Variants in CYP20A1 observed in about 807,000 individuals in gnomAD.
CYP20A1 encodes cytochrome P450 20A1.
A neutral mutation model predicts 61.4 loss-of-function variants in CYP20A1; 61 were observed. The observed-to-expected ratio is 0.99, with a 90% CI of 0.81 to 1.23. CYP20A1 has a LOEUF of 1.23. Among genes scored for constraint, CYP20A1 ranks in the 50% most tolerant of loss-of-function variants. The pLI, the probability that CYP20A1 is intolerant of heterozygous loss-of-function variation, is 0.00. For synonymous variants in CYP20A1, 193 were observed against 188.2 expected (o/e 1.03, Z -0.21); for missense variants, 530 against 542.4 (o/e 0.98, Z 0.23).
At chr2:203,248,959 C>T (rs2066561609) in intron 3 of CYP20A1, among the ~76,000 whole-genome samples, 1 of 152,178 alleles carries the variant, frequency 6.6e-6, no homozygotes, top group Non-Finnish European at 1.5e-5. Flanking sequence ...GATTCTCCCA[C>T]CTCTGCCCTC....
rs2069152504 is a variant in CYP20A1 at position 203,304,661 on chromosome 2, T to A, written c.*7753T>A. ...AAATTTTAAACATTTTCCAGCTGGG[T>A]GTGGTGGCTCATGCCTGTAATCCCA... On this transcript the variant is annotated 3_prime_UTR_variant, in exon 13 of 13. Transcript: ENST00000356079. Among the ~76,000 whole-genome samples the A allele has an allele frequency of 6.6e-6, 1 of 152,062 alleles. No homozygotes were observed.
intron 8 of CYP20A1, among the ~76,000 whole-genome samples, chr2:203,281,757 C>T (rs2068051997): frequency 6.6e-6 from 1 of 151,790 alleles, no homozygotes; most frequent in Non-Finnish European, 1.5e-5. Context: ...GCTGAGATCG[C>T]ACCACTGCAC....
In CYP20A1 at chr2:203,304,948, A is replaced by G. The variant is rs986763314; in HGVS notation, c.*8040A>G. On this transcript the variant is annotated 3_prime_UTR_variant, in exon 13 of 13. Transcript: ENST00000356079. The stretch of plus-strand genomic sequence containing the variant: ...ACAACCCTCAAATAAATAAATAAAT[A>G]CATGTTAAACATATACCTTTATTAC... 1.3e-5 allele frequency among the ~76,000 whole-genome samples: 2 copies of G among 152,106 alleles called. No homozygotes were observed. Among genetic ancestry groups the G allele is most frequent in the African/African-American group, 2.4e-5 (1 of 41,418 alleles).
chr2:203,241,937 G>A (rs2066268330), intron 1 of CYP20A1, among the ~76,000 whole-genome samples: 1 of 152,186 alleles, frequency 6.6e-6, no homozygotes, highest in Non-Finnish European at 1.5e-5. Context: ...TGCCTCCCAG[G>A]TTCAAGCGAT....
chr2:203,298,713 AAAG>A lies in CYP20A1; in HGVS notation c.*1806_*1808del, dbSNP rs1333517323. Among the ~76,000 whole-genome samples the A allele has an allele frequency of 6.6e-5, 10 of 150,394 alleles. No individual in the cohort carries two copies. The highest frequency in any genetic ancestry group is 2.1e-4 in the South Asian group (1 of 4,702). On this transcript the variant is annotated 3_prime_UTR_variant, in exon 13 of 13. Transcript: ENST00000356079. Reference sequence around the variant, plus strand: ...AAACTCATTCTCAAAAAAAAAAAAAAAAGGAGGTGGGGAGAGCTATTTCAAGAA... The same window carrying A: ...AAACTCATTCTCAAAAAAAAAAAAAAGAGGTGGGGAGAGCTATTTCAAGAA...
intron 10 of CYP20A1, among the ~76,000 whole-genome samples, chr2:203,291,272 A>G (rs889674263): frequency 3.9e-5 from 6 of 152,108 alleles, no homozygotes; most frequent in Admixed American, 3.3e-4. Flanking sequence ...CCTGGGCTCA[A>G]GTGATCCTCC....
At position 203,245,948 on chromosome 2, in the gene CYP20A1, T is replaced by C. The variant is rs553435345; in HGVS notation, c.122+53T>C. ...TAGAGTTAATTCTTCATTATTGATATCAAGACTAAACCATATTTTTAGCCA... is the reference window on the plus strand; with the variant it reads ...TAGAGTTAATTCTTCATTATTGATACCAAGACTAAACCATATTTTTAGCCA... On this transcript the variant is annotated intron_variant, in intron 2 of 12. Transcript: ENST00000356079. 9.1e-6 allele frequency: 11 copies of C among 1,207,436 alleles called. No individual in the cohort carries two copies. The African/African-American group carries it at 1.1e-4, about 12-fold the overall frequency. 74.8% of individuals were successfully genotyped at this position (1,207,436 alleles called of 1,614,324 possible).
intron 3 of CYP20A1, among the ~76,000 whole-genome samples, chr2:203,248,180 G>A (rs1395342413): frequency 6.6e-6 from 1 of 151,992 alleles, no homozygotes; most frequent in Non-Finnish European, 1.5e-5. Context: ...AGCCAAGGTT[G>A]CGCCACTCTA....
At chr2:203,280,674 C>G (rs1342549793) in intron 8 of CYP20A1, among the ~76,000 whole-genome samples, 8 of 152,188 alleles carry the variant, frequency 5.3e-5, no homozygotes, top group Non-Finnish European at 1.2e-4. Context: ...GCATTCCAGC[C>G]TGGGCAACAG....
chr2:203,276,983 C>T (rs2067847139), intron 6 of CYP20A1, among the ~76,000 whole-genome samples: 2 of 152,194 alleles, frequency 1.3e-5, no homozygotes, highest in South Asian at 4.1e-4. Context: ...AAAAAGGAGA[C>T]AGAATGAGCA....
chr2:203,290,232 C>T lies in CYP20A1; in HGVS notation c.1083+356C>T, dbSNP rs142645807. On this transcript the variant is annotated intron_variant, in intron 10 of 12. Transcript: ENST00000356079. Reference sequence around the variant, plus strand: ...CTGGGATTACACACATGAGCCACTGCACCCAGCCTGGTGTGTATTTTAAAT... The same window carrying T: ...CTGGGATTACACACATGAGCCACTGTACCCAGCCTGGTGTGTATTTTAAAT... Among the ~76,000 whole-genome samples, 390 of 152,224 alleles carry T rather than the reference C, an allele frequency of 2.6e-3. 3 individuals carry two copies. The highest frequency in any genetic ancestry group is 8.1e-3 in the African/African-American group (336 of 41,546).
At position 203,296,509 on chromosome 2, in the gene CYP20A1, T is replaced by C. The variant is rs563680903; in HGVS notation, c.1184T>C (p.Met395Thr). 3.7e-6 allele frequency: 6 copies of C among 1,612,822 alleles called. No homozygotes were observed. The East Asian group carries it at 1.1e-4, about 30-fold the overall frequency. ...DPDRFDDELV[M>T]KTFSSLGFSG... The stretch of plus-strand genomic sequence containing the variant: ...GATCGGTTTGATGATGAATTAGTAA[T>C]GAAAACTTTTTCCTCACTTGGATTC... The change falls in exon 12 of 13, where the codon ATG (methionine) becomes ACG (threonine). Residue 395 changes from methionine to threonine, a missense_variant. Transcript: ENST00000356079.
chr2:203,287,859 C>T (rs1559106434), intron 9 of CYP20A1, among the ~76,000 whole-genome samples: 2 of 152,048 alleles, frequency 1.3e-5, no homozygotes, highest in Admixed American at 6.6e-5. Context: ...AGTTTCTTAT[C>T]TCCTGTCCTG....
chr2:203,272,963 C>G (rs1043419258), intron 6 of CYP20A1, among the ~76,000 whole-genome samples: 1 of 151,800 alleles, frequency 6.6e-6, no homozygotes, highest in Non-Finnish European at 1.5e-5. Context: ...TCTCCTGCCT[C>G]AGCCTCCCGA....
intron 1 of CYP20A1, among the ~76,000 whole-genome samples, chr2:203,242,390 G>T (rs2066283714): frequency 6.6e-6 from 1 of 152,256 alleles, no homozygotes; most frequent in East Asian, 1.9e-4. Flanking sequence ...TGCAGTAAAG[G>T]GGGCTGATAA....
intron 1 of CYP20A1, among the ~76,000 whole-genome samples, chr2:203,244,800 T>C (rs932796660): frequency 2.7e-5 from 4 of 149,924 alleles, no homozygotes; most frequent in African/African-American, 9.8e-5. Context: ...TGGCGCGATC[T>C]AGGCTCACTG....
intron 3 of CYP20A1, among the ~76,000 whole-genome samples, chr2:203,248,905 C>G (rs568599406): frequency 1.3e-5 from 2 of 152,184 alleles, no homozygotes; most frequent in South Asian, 4.2e-4. Context: ...GAGATGAGGT[C>G]TTGCTACGTT....
In CYP20A1 at chr2:203,239,099, C is replaced by T. The variant is rs1244532137; in HGVS notation, c.37C>T (p.Leu13=). The T allele has an allele frequency of 1.2e-6, 2 of 1,613,716 alleles. No individual in the cohort carries two copies. The highest frequency in any genetic ancestry group is 2.2e-5 in the East Asian group (1 of 44,868). ...DFAIFAVTFL[L]ALVGAVLYLY... is the part of the protein sequence containing the mutation. Reference sequence around the variant, plus strand: ...CGCGATCTTCGCCGTTACCTTCTTGCTGGCGTTGGTGGGAGCCGTGCTCTA... The same window carrying T: ...CGCGATCTTCGCCGTTACCTTCTTGTTGGCGTTGGTGGGAGCCGTGCTCTA... Residue 13 remains leucine, a synonymous_variant, in exon 1 of 13, where the codon CTG becomes TTG. Coordinates refer to ENST00000356079, the MANE Select transcript of CYP20A1 (RefSeq NM_177538.3).
In CYP20A1 at chr2:203,298,400, A is replaced by G. The variant is rs2068892786; in HGVS notation, c.*1492A>G. On this transcript the variant is annotated 3_prime_UTR_variant, in exon 13 of 13. Coordinates refer to ENST00000356079, the MANE Select transcript of CYP20A1 (RefSeq NM_177538.3). Reference sequence around the variant, plus strand: ...GCAAAACCCTGCCTTTAAAAAAACAAAAAACAAAAAAGGCCGGGCTCGGTG... The same window carrying G: ...GCAAAACCCTGCCTTTAAAAAAACAGAAAACAAAAAAGGCCGGGCTCGGTG... 2 of 181,840 alleles carry G rather than the reference A, an allele frequency of 1.1e-5. No homozygotes were observed. The highest frequency in any genetic ancestry group is 6.2e-5 in the Admixed American group (1 of 16,120). The allele number at this position is 181,840 out of a possible 1,614,324, so 11.3% of individuals were successfully genotyped here. A position where few individuals can be genotyped will look rare whatever the true frequency, so the allele number is the denominator to read the frequency against.
Sources: allele counts gnomAD v4.1 joint callset (sites outside exome capture counted in the v4.1 genomes callset), GRCh38; gene constraint gnomAD v4.1.1; transcripts MANE v1.5; gene names NCBI Gene and HGNC (gene_info 2026-07-23, HGNC 2026-07-21).